CCDC73: variants seen among roughly 807,000 people sequenced by gnomAD.
CCDC73 encodes the protein coiled-coil domain containing 73, also known as coiled-coil domain-containing protein 73.
Under a neutral mutation model 116.5 loss-of-function variants are expected in CCDC73, and 95 were observed. The observed-to-expected ratio is 0.82, with a 90% CI of 0.69 to 0.97. The LOEUF is 0.97. Among genes scored for constraint, CCDC73 ranks in the 50% least tolerant of loss-of-function variants. The probability of loss-of-function intolerance (pLI) is 0.00; values close to 1 mark genes in which losing one functional copy is unlikely to be tolerated. For missense variants in CCDC73, 1,066 were observed against 1,206.8 expected, an observed-to-expected ratio of 0.88 and a Z score of 1.73; for synonymous variants, 398 against 401.3, an observed-to-expected ratio of 0.99 and a Z score of 0.10.
chr11:32,810,024 A>G, the CCDC73 span, among the ~76,000 whole-genome samples: 9 of 152,216 alleles, frequency 5.9e-5, no homozygotes, highest in Non-Finnish European at 1.0e-4. Flanking sequence ...ATTTTGCTCT[A>G]ACTTCATTAT....
chr11:32,719,881 A>G (rs988556394), intron 2 of CCDC73, among the ~76,000 whole-genome samples: 1 of 152,160 alleles, frequency 6.6e-6, no homozygotes, highest in Non-Finnish European at 1.5e-5. Context: ...AAATAGCCCT[A>G]TAACTATAAA....
chr11:32,744,267 C>T (rs1850214911), intron 2 of CCDC73, among the ~76,000 whole-genome samples: 1 of 152,138 alleles, frequency 6.6e-6, no homozygotes, highest in Admixed American at 6.5e-5. Context: ...ACAACTTGAT[C>T]ATGGTAGATA....
chr11:32,625,133 T>C (rs1244970233), intron 14 of CCDC73, among the ~76,000 whole-genome samples: 2 of 152,206 alleles, frequency 1.3e-5, no homozygotes, highest in Admixed American at 6.5e-5. Context: ...ATTGGCTTGG[T>C]AGATCTTCCT....
At chr11:32,676,529 C>T (rs1019111583) in intron 7 of CCDC73, among the ~76,000 whole-genome samples, 9 of 152,200 alleles carry the variant, frequency 5.9e-5, no homozygotes, top group Non-Finnish European at 1.0e-4. Flanking sequence ...TACCTTCTCA[C>T]TGCATTAAGA....
chr11:32,788,981 A>G (rs952125061), intron 1 of CCDC73, among the ~76,000 whole-genome samples: 1 of 152,196 alleles, frequency 6.6e-6, no homozygotes, highest in Non-Finnish European at 1.5e-5. Context: ...ACTAAGTTTA[A>G]TTTTTATATT....
chr11:32,828,820 G>T, the CCDC73 span, among the ~76,000 whole-genome samples: 1 of 152,104 alleles, frequency 6.6e-6, no homozygotes, highest in Admixed American at 6.5e-5. Flanking sequence ...TTAAAACTGA[G>T]AAATTTTCAA....
intron 11 of CCDC73, among the ~76,000 whole-genome samples, chr11:32,653,725 A>G (rs1384453825): frequency 6.6e-6 from 1 of 152,174 alleles, no homozygotes; most frequent in Non-Finnish European, 1.5e-5. Context: ...ATGTCCTGAA[A>G]AAGTATGCAC....
At chr11:32,663,317 T>C (rs187063358) in intron 9 of CCDC73, among the ~76,000 whole-genome samples, 1 of 152,260 alleles carries the variant, frequency 6.6e-6, no homozygotes, top group Admixed American at 6.5e-5. Flanking sequence ...TCCATGAGCA[T>C]GGAATGTTGT....
intron 2 of CCDC73, among the ~76,000 whole-genome samples, chr11:32,746,751 T>C (rs1211527651): frequency 6.6e-6 from 1 of 152,200 alleles, no homozygotes; most frequent in African/African-American, 2.4e-5. Flanking sequence ...TTCACGAAGT[T>C]CTCGTACTGT....
intron 6 of CCDC73, among the ~76,000 whole-genome samples, chr11:32,697,838 T>C (rs1849769739): frequency 6.6e-6 from 1 of 151,860 alleles, no homozygotes; most frequent in Non-Finnish European, 1.5e-5. Context: ...GGGGTACATA[T>C]GCAGGTCTGT....
chr11:32,785,718 T>G (rs1290088652), intron 1 of CCDC73, among the ~76,000 whole-genome samples: 2 of 152,144 alleles, frequency 1.3e-5, no homozygotes, highest in Non-Finnish European at 2.9e-5. Context: ...TGCACCAGTT[T>G]TGAAGTTTTG....
intron 6 of CCDC73, among the ~76,000 whole-genome samples, chr11:32,697,435 A>G (rs963416847): frequency 6.6e-6 from 1 of 150,518 alleles, no homozygotes; most frequent in Admixed American, 6.6e-5. Context: ...CCAGGATCCA[A>G]TGAAAGTTCA....
intron 3 of CCDC73, among the ~76,000 whole-genome samples, chr11:32,704,418 A>G (rs1590603990): frequency 1.3e-5 from 2 of 152,338 alleles, no homozygotes; most frequent in East Asian, 3.9e-4. Flanking sequence ...CAGCGCTGAC[A>G]TGCCAGACCC....
At chr11:32,822,266 T>C in the CCDC73 span, among the ~76,000 whole-genome samples, 2 of 152,348 alleles carry the variant, frequency 1.3e-5, no homozygotes, top group South Asian at 2.1e-4. Context: ...TGATGTTTAC[T>C]AACATTCATG....
chr11:32,733,779 G>T (rs375382370), intron 2 of CCDC73, among the ~76,000 whole-genome samples: 20 of 152,234 alleles, frequency 1.3e-4, no homozygotes, highest in African/African-American at 4.8e-4. Context: ...AGTGTGTAGA[G>T]GGAAATTTAT....
At chr11:32,768,516 A>G (rs1850464197) in intron 1 of CCDC73, among the ~76,000 whole-genome samples, 1 of 152,174 alleles carries the variant, frequency 6.6e-6, no homozygotes, top group Admixed American at 6.5e-5. Flanking sequence ...AAGAGGAAAA[A>G]AAGTCTTATC....
intron 7 of CCDC73, among the ~76,000 whole-genome samples, chr11:32,676,612 C>A (rs900058059): frequency 6.6e-6 from 1 of 152,108 alleles, no homozygotes; most frequent in African/African-American, 2.4e-5. Flanking sequence ...TAGCAAGACC[C>A]CATCTCTACA....
intron 4 of CCDC73, among the ~76,000 whole-genome samples, chr11:32,701,546 T>A (rs548763678): frequency 4.5e-4 from 69 of 151,878 alleles, no homozygotes; most frequent in East Asian, 2.3e-3. Flanking sequence ...AAAAAACTTT[T>A]AAAAAAAAAT....
rs1855460937 is a variant in CCDC73 at position 32,614,886 on chromosome 11, C to T, written c.1432G>A (p.Asp478Asn). Residue 478 changes from aspartate (D) to asparagine (N), a missense_variant, in exon 16 of 18, where the codon GAT becomes AAT. Coordinates refer to ENST00000335185, the MANE Select transcript of CCDC73 (RefSeq NM_001008391.4). Reference sequence around the variant, plus strand: ...AAGGAGATTTCACTTTGATTTTCATCCTGAGAAACAACAGTATCAATTTCA... The same window carrying T: ...AAGGAGATTTCACTTTGATTTTCATTCTGAGAAACAACAGTATCAATTTCA... ...KNEIDTVVSQ[D>N]ENQSEISLSK... 1 of 1,611,382 alleles carries T rather than the reference C, an allele frequency of 6.2e-7. No homozygotes were observed.
Sources: gnomAD v4.1 joint callset for allele counts (sites outside exome capture counted in the v4.1 genomes callset) on GRCh38, gnomAD v4.1.1 for gene constraint, MANE v1.5 for transcripts, NCBI Gene and HGNC (gene_info 2026-07-23, HGNC 2026-07-21) for gene names.